Variants in GNB1 observed in about 807,000 individuals in gnomAD.
The protein encoded by GNB1 is G protein subunit beta 1.
In GNB1, 2 loss-of-function variants were observed where a neutral mutation model predicts 42.9. That is an observed-to-expected ratio of 0.05 (90% confidence interval 0.02 to 0.15). GNB1 has a LOEUF of 0.15. Ranked by LOEUF, GNB1 falls within the 10% of genes least tolerant of loss-of-function variation. The probability of loss-of-function intolerance (pLI) is 1.00; values close to 1 mark genes in which losing one functional copy is unlikely to be tolerated. For missense variants in GNB1, 193 were observed against 462.2 expected, an observed-to-expected ratio of 0.42 and a Z score of 5.34; for synonymous variants, 183 against 174.7, an observed-to-expected ratio of 1.05 and a Z score of -0.38.
chr1:1,889,053 C>T (rs1650317275), intron 1 of GNB1, among the ~76,000 whole-genome samples: 1 of 152,164 alleles, frequency 6.6e-6, no homozygotes, highest in African/African-American at 2.4e-5. Context: ...ATGTCAATAG[C>T]ATGAAAATTA....
intron 1 of GNB1, among the ~76,000 whole-genome samples, chr1:1,881,859 GA>G (rs1350572342): frequency 1.3e-5 from 2 of 152,132 alleles, no homozygotes; most frequent in African/African-American, 4.8e-5. Context: ...CGGGGTGCTG[GA>G]GACAGTGAAG....
chr1:1,786,061 AT>A lies in GNB1; in HGVS notation c.*1001del. ...CCACCCAATATGGCAAACAATCAAA[AT>A]TTTTAAAATTTAACTTAGAAAGTCT... On this transcript the variant is annotated 3_prime_UTR_variant, in exon 12 of 12. Coordinates refer to ENST00000378609, the MANE Select transcript of GNB1 (RefSeq NM_002074.5). 3 of 398,572 alleles carry A rather than the reference AT, an allele frequency of 7.5e-6. No homozygotes were observed. The highest frequency in any genetic ancestry group is 1.3e-5 in the Non-Finnish European group (3 of 226,034). 24.7% of individuals were successfully genotyped at this position (398,572 alleles called of 1,614,324 possible). A position where few individuals can be genotyped will look rare whatever the true frequency, so the allele number is the denominator to read the frequency against.
chr1:1,890,594 G>C (rs1447728015), intron 1 of GNB1, among the ~76,000 whole-genome samples: 1 of 148,654 alleles, frequency 6.7e-6, no homozygotes, highest in African/African-American at 2.4e-5. Flanking sequence ...CCTTGGGCCT[G>C]GGACCCCGGC....
chr1:1,862,246 A>G (rs568401374), intron 1 of GNB1, among the ~76,000 whole-genome samples: 2 of 152,162 alleles, frequency 1.3e-5, no homozygotes, highest in African/African-American at 2.4e-5. Context: ...AGTAAAGTGT[A>G]TATGTTAGCA....
intron 1 of GNB1, among the ~76,000 whole-genome samples, chr1:1,862,988 C>A (rs1648717258): frequency 6.6e-6 from 1 of 152,162 alleles, no homozygotes; most frequent in South Asian, 2.1e-4. Flanking sequence ...CAGCCCCACG[C>A]CAGGCCACAT....
At chr1:1,839,724 C>G (rs529840366) in intron 1 of GNB1, 1 of 151,784 alleles carries the variant, frequency 6.6e-6, no homozygotes, top group Admixed American at 6.6e-5. Context: ...CATGGTGTCA[C>G]AAGCCTGTAA....
chr1:1,790,263 C>T lies in GNB1; in HGVS notation c.699+132G>A, dbSNP rs922006031. On this transcript the variant is annotated intron_variant, in intron 9 of 11. Transcript: ENST00000378609. This position sits in a 1 kb window ranked among gnomAD's most constrained non-coding sequence, Gnocchi z 5.4. The stretch of plus-strand genomic sequence containing the variant: ...GTTTCCCATCGGGAGTTTTCTGTAT[C>T]CCCATCTGTACATGAGGTTGTATAA... 4 of 652,282 alleles carry T rather than the reference C, an allele frequency of 6.1e-6. No homozygotes were observed. Among genetic ancestry groups the T allele is most frequent in the Non-Finnish European group, 1.1e-5 (4 of 367,796 alleles). The allele number at this position is 652,282 out of a possible 1,614,324, so 40.4% of individuals were successfully genotyped here.
At chr1:1,836,930 C>G (rs1280069537) in intron 2 of GNB1, among the ~76,000 whole-genome samples, 1 of 145,628 alleles carries the variant, frequency 6.9e-6, no homozygotes, top group Admixed American at 7.0e-5. Flanking sequence ...CAACTGGCTT[C>G]AAGCAATCCT....
intron 2 of GNB1, among the ~76,000 whole-genome samples, chr1:1,838,733 C>T (rs1449418019): frequency 3.3e-5 from 5 of 152,162 alleles, no homozygotes; most frequent in East Asian, 3.9e-4. Context: ...CATCAGCCAC[C>T]GCACCCGGCC....
chr1:1,789,329 A>C (rs971563280), intron 9 of GNB1, 60 bp from the exon 10 acceptor site: 1 of 942,380 alleles, frequency 1.1e-6, no homozygotes, highest in African/African-American at 1.6e-5. Context: ...CATTGGGAAT[A>C]TGGATTGCTC....
chr1:1,817,000 G>C (rs1646866209), intron 4 of GNB1, among the ~76,000 whole-genome samples: 1 of 151,950 alleles, frequency 6.6e-6, no homozygotes, highest in East Asian at 1.9e-4. Flanking sequence ...GTGGCATTTA[G>C]TACACTCATT....
chr1:1,881,065 G>A (rs36072213), intron 1 of GNB1, among the ~76,000 whole-genome samples: 22,914 of 152,084 alleles, frequency 0.15, 1,960 homozygotes, highest in Middle Eastern at 0.29. Flanking sequence ...ACAGGGAGGA[G>A]AAAGTATAAG....
chr1:1,804,278 G>T, intron 7 of GNB1, 141 bp downstream of exon 7: 1 of 589,236 alleles, frequency 1.7e-6, no homozygotes, highest in Non-Finnish European at 2.9e-6. Flanking sequence ...CAGCCTGGGT[G>T]ACAGAGCGAG....
intron 1 of GNB1, among the ~76,000 whole-genome samples, chr1:1,866,672 T>C (rs1570737431): frequency 6.7e-6 from 1 of 149,984 alleles, no homozygotes. Context: ...AATCTCAATG[T>C]GGCCGGGCGC....
At chr1:1,802,435 C>T (rs1646637953) in intron 7 of GNB1, among the ~76,000 whole-genome samples, 1 of 152,104 alleles carries the variant, frequency 6.6e-6, no homozygotes, top group African/African-American at 2.4e-5. Context: ...CAAATAAGCA[C>T]TCACAAGGAT....
chr1:1,873,669 G>A (rs970432528), intron 1 of GNB1, among the ~76,000 whole-genome samples: 2 of 152,116 alleles, frequency 1.3e-5, no homozygotes, highest in East Asian at 1.9e-4. Flanking sequence ...CCAGCACTTC[G>A]GGAGGCCGAG....
intron 1 of GNB1, among the ~76,000 whole-genome samples, chr1:1,868,206 G>C (rs571281622): frequency 6.6e-6 from 1 of 151,804 alleles, no homozygotes; most frequent in Admixed American, 6.6e-5. Flanking sequence ...ACGGAGTTTC[G>C]CTCTTTTTGC....
chr1:1,822,692 C>A (rs1330252099), intron 3 of GNB1, among the ~76,000 whole-genome samples: 9 of 152,088 alleles, frequency 5.9e-5, no homozygotes. Flanking sequence ...AAGAGGGAGC[C>A]CCCTGTGCAA....
At chr1:1,811,482 C>A (rs1646778503) in intron 5 of GNB1, among the ~76,000 whole-genome samples, 1 of 151,940 alleles carries the variant, frequency 6.6e-6, no homozygotes, top group Non-Finnish European at 1.5e-5. Flanking sequence ...ATCACGAGGT[C>A]ATGAGATCGA....
Sources: allele counts gnomAD v4.1 joint callset (sites outside exome capture counted in the v4.1 genomes callset), GRCh38; gene constraint gnomAD v4.1.1; non-coding constraint Gnocchi (gnomAD v3.1); transcripts MANE v1.5; gene names NCBI Gene and HGNC (gene_info 2026-07-23, HGNC 2026-07-21).